Variants in SEMA4D observed in about 807,000 individuals in gnomAD.
SEMA4D encodes semaphorin 4D.
A neutral mutation model predicts 74.8 loss-of-function variants in SEMA4D; 22 were observed. The ratio of observed to expected loss-of-function variants is 0.29; its 90% confidence interval spans 0.21 to 0.42. The LOEUF is 0.42. Among genes scored for constraint, SEMA4D ranks in the 10% least tolerant of loss-of-function variants. The pLI is 1.00. For missense variants in SEMA4D, 937 were observed against 1,118.4 expected (o/e 0.84, Z 2.31); for synonymous variants, 445 against 463.7 (o/e 0.96, Z 0.52).
chr9:89,402,244 T>C (rs1214433148), intron 4 of SEMA4D, among the ~76,000 whole-genome samples: 1 of 152,248 alleles, frequency 6.6e-6, no homozygotes, highest in East Asian at 1.9e-4. Flanking sequence ...GAGTGGGACA[T>C]GGGATGGGCT....
chr9:89,419,788 G>A (rs775711551), intron 2 of SEMA4D, among the ~76,000 whole-genome samples: 5 of 151,912 alleles, frequency 3.3e-5, no homozygotes, highest in East Asian at 3.9e-4. Flanking sequence ...GTGGTGGTGC[G>A]CACCTGTCAT....
Position 89,391,314 on chromosome 9 carries a change from A to C in SEMA4D, c.724T>G (p.Tyr242Asp). 4.3e-6 allele frequency: 7 copies of C among 1,613,856 alleles called. No homozygotes were observed. Among genetic ancestry groups the C allele is most frequent in the Non-Finnish European group, 5.9e-6 (7 of 1,179,974 alleles). ...YFFFTEVSVEYEFVFRVLIPR... is the reference protein window; with the variant it reads ...YFFFTEVSVEDEFVFRVLIPR... ...ATCAGCACCCTGAACACAAACTCAT[A>C]CTCCACAGACACCTCCGTGAAGAAG... Residue 242 changes from tyrosine (Y) to aspartate (D), a missense_variant, in exon 9 of 16, where the codon TAT becomes GAT. Transcript: ENST00000422704.
intron 5 of SEMA4D, 88 bp downstream of exon 5, chr9:89,399,188 T>C (rs1381442906): frequency 1.8e-6 from 2 of 1,135,274 alleles, no homozygotes; most frequent in Non-Finnish European, 1.3e-6. Flanking sequence ...AAGGCTGGCC[T>C]GCACTGCAGG....
chr9:89,472,048 G>A (rs896759404), intron 1 of SEMA4D, among the ~76,000 whole-genome samples: 3 of 152,166 alleles, frequency 2.0e-5, no homozygotes, highest in Admixed American at 6.5e-5. Context: ...GTGCATGCCC[G>A]CTTAGGTGCA....
chr9:89,363,084 CCCT>C (rs1392546919), intron 18 of SEMA4D, among the ~76,000 whole-genome samples: 2 of 152,182 alleles, frequency 1.3e-5, no homozygotes, highest in Non-Finnish European at 2.9e-5. Flanking sequence ...AGGTTTCCTG[CCCT>C]CCTCAAAGGA....
chr9:89,364,290 C>G (rs1833233466), intron 16 of SEMA4D: 6 of 390,158 alleles, frequency 1.5e-5, no homozygotes, highest in South Asian at 1.3e-4. Flanking sequence ...TCCCACCCCA[C>G]CATGGCCCTG....
intron 5 of SEMA4D, among the ~76,000 whole-genome samples, chr9:89,397,591 G>A (rs1012148225): frequency 2.6e-5 from 4 of 152,220 alleles, no homozygotes; most frequent in Non-Finnish European, 5.9e-5. Context: ...AATTATCCCA[G>A]ATTAGGAGAG....
At chr9:89,417,962 A>C (rs2134121805) in intron 2 of SEMA4D, 1 of 389,878 alleles carries the variant, frequency 2.6e-6, no homozygotes, top group Middle Eastern at 1.3e-3. Flanking sequence ...CCAAGGGACC[A>C]AGCAACCAAC....
At chr9:89,403,166 G>C (rs1842568833) in intron 3 of SEMA4D, 150 bp from the exon 4 acceptor site, 2 of 896,316 alleles carry the variant, frequency 2.2e-6, no homozygotes, top group South Asian at 3.3e-5. Context: ...TGCTGCAACA[G>C]GCACTGCTAC....
intron 1 of SEMA4D, among the ~76,000 whole-genome samples, chr9:89,457,542 G>A (rs1414866848): frequency 6.6e-6 from 1 of 151,664 alleles, no homozygotes; most frequent in Non-Finnish European, 1.5e-5. Context: ...TTCAAGACCA[G>A]CCTGGACAAC....
intron 6 of SEMA4D, among the ~76,000 whole-genome samples, chr9:89,394,828 C>G (rs558447199): frequency 6.6e-6 from 1 of 152,234 alleles, no homozygotes; most frequent in African/African-American, 2.4e-5. Flanking sequence ...TTGGGGAAAT[C>G]TGAACGGGGA....
intron 2 of SEMA4D, among the ~76,000 whole-genome samples, chr9:89,407,296 T>C (rs1375259442): frequency 2.8e-5 from 4 of 143,364 alleles, no homozygotes; most frequent in Non-Finnish European, 6.1e-5. Flanking sequence ...CTGATTCAGC[T>C]AGCAATTCCC....
intron 2 of SEMA4D, among the ~76,000 whole-genome samples, chr9:89,439,412 T>C (rs945635785): frequency 6.6e-6 from 1 of 152,238 alleles, no homozygotes; most frequent in Non-Finnish European, 1.5e-5. Flanking sequence ...TAAGATCTAG[T>C]GGCTGAGTGG....
intron 2 of SEMA4D, chr9:89,418,208 C>T: frequency 1.3e-6 from 1 of 755,590 alleles, no homozygotes; most frequent in Non-Finnish European, 1.6e-6. Context: ...GCACTGAAAA[C>T]AAATTATTGT....
At chr9:89,440,037 AGACCTGC>A (rs1851353437) in intron 2 of SEMA4D, among the ~76,000 whole-genome samples, 1 of 152,212 alleles carries the variant, frequency 6.6e-6, no homozygotes, top group Non-Finnish European at 1.5e-5. Flanking sequence ...GGACACATGG[AGACCTGC>A]CTGCTCTTAG....
chr9:89,429,846 G>T (rs540422406), intron 2 of SEMA4D, among the ~76,000 whole-genome samples: 1 of 152,292 alleles, frequency 6.6e-6, no homozygotes, highest in African/African-American at 2.4e-5. Flanking sequence ...GCAAACTGAA[G>T]TCTACATGGT....
chr9:89,494,442 G>T (rs1400468453), intron 1 of SEMA4D, among the ~76,000 whole-genome samples: 2 of 152,182 alleles, frequency 1.3e-5, no homozygotes, highest in Admixed American at 6.5e-5. Flanking sequence ...ATGATCTGCT[G>T]AATACCAGGT....
At chr9:89,445,618 G>A (rs182001391) in intron 2 of SEMA4D, among the ~76,000 whole-genome samples, 3 of 152,290 alleles carry the variant, frequency 2.0e-5, no homozygotes, top group African/African-American at 7.2e-5. Context: ...CAGGGAGAGA[G>A]AGAGATTTAT....
chr9:89,477,257 C>T lies in SEMA4D; in HGVS notation c.-310+20662G>A, dbSNP rs557227553. Among the ~76,000 whole-genome samples, 679 of 138,680 alleles carry T rather than the reference C, an allele frequency of 4.9e-3. 5 individuals carry two copies. The highest frequency in any genetic ancestry group is 0.019 in the African/African-American group (642 of 33,666). The allele number at this position is 138,680 out of a possible 152,430, so 91.0% of individuals were successfully genotyped here. Reference sequence around the variant, plus strand: ...TATATGCACAAGGTACATGCACGTACACACACACACACACAAATGCTCACA... The same window carrying T: ...TATATGCACAAGGTACATGCACGTATACACACACACACACAAATGCTCACA... On this transcript the variant is annotated intron_variant, in intron 1 of 15. Transcript: ENST00000422704.
Sources: gnomAD v4.1 joint callset for allele counts (sites outside exome capture counted in the v4.1 genomes callset) on GRCh38, gnomAD v4.1.1 for gene constraint, MANE v1.5 for transcripts, NCBI Gene and HGNC (gene_info 2026-07-23, HGNC 2026-07-21) for gene names.